The following GBF1 variants were observed in gnomAD, a reference collection of about 807,000 sequenced individuals.
The protein encoded by GBF1 is golgi brefeldin A resistant guanine nucleotide exchange factor 1, also known as Golgi-specific brefeldin A-resistance guanine nucleotide exchange factor 1.
GBF1 carries 114 observed loss-of-function variants against 210.5 expected under a neutral mutation model. The observed-to-expected ratio is 0.54, with a 90% CI of 0.47 to 0.63. The LOEUF (loss-of-function observed/expected upper bound fraction) is 0.63. GBF1 is among the 30% of genes least tolerant of loss of function. The pLI is 0.00. For synonymous variants in GBF1, 850 were observed against 889.2 expected (o/e 0.96, Z 0.78); for missense variants, 1,851 against 2,357.7 (o/e 0.79, Z 4.45).
At position 102,382,531 on chromosome 10, in the gene GBF1, C is replaced by T. The variant is rs954644461; in HGVS notation, c.*195C>T. The stretch of plus-strand genomic sequence containing the variant: ...AATCAGCTGTGGGACCTTTTTCCTC[C>T]TCTGCGCTCCATTCCTGGGGGTTCA... On this transcript the variant is annotated 3_prime_UTR_variant, in exon 40 of 40. Coordinates refer to ENST00000369983, the MANE Select transcript of GBF1 (RefSeq NM_001377137.1). 7.4e-6 allele frequency: 4 copies of T among 540,658 alleles called. No individual in the cohort carries two copies. In the African/African-American group the frequency reaches 7.7e-5, roughly 10 times the overall value. The allele number at this position is 540,658 out of a possible 1,614,324, so 33.5% of individuals were successfully genotyped here. A position where few individuals can be genotyped will look rare whatever the true frequency, so the allele number is the denominator to read the frequency against.
At chr10:102,242,928 C>CA (rs58301527), upstream of GBF1, among the ~76,000 whole-genome samples, 25,193 of 131,798 alleles carry the variant, frequency 0.19, 2,597 homozygotes, top group South Asian at 0.28. Flanking sequence ...GACTCTGTCT[C>CA]AAAAAAAAAA....
intron 8 of GBF1, among the ~76,000 whole-genome samples, chr10:102,355,320 G>C (rs1185718303): frequency 6.6e-6 from 1 of 152,190 alleles, no homozygotes; most frequent in Non-Finnish European, 1.5e-5. Context: ...TTGTGTGCTT[G>C]CACAGTCTCA....
intron 3 of GBF1, among the ~76,000 whole-genome samples, chr10:102,309,962 T>C (rs918221773): frequency 1.3e-5 from 2 of 152,218 alleles, no homozygotes; most frequent in Admixed American, 1.3e-4. Context: ...TTCATTTGTA[T>C]AATTTAGGGA....
intron 3 of GBF1, among the ~76,000 whole-genome samples, chr10:102,299,333 T>C (rs2077150816): frequency 1.3e-5 from 2 of 152,154 alleles, no homozygotes; most frequent in Non-Finnish European, 2.9e-5. Flanking sequence ...AGCGTGTGAC[T>C]ACCATGGGGT....
At chr10:102,328,381 C>T (rs984219180) in intron 3 of GBF1, among the ~76,000 whole-genome samples, 4 of 152,068 alleles carry the variant, frequency 2.6e-5, no homozygotes, top group Admixed American at 6.6e-5. Flanking sequence ...ACGCTTTAGT[C>T]CCAGCTACTT....
chr10:102,323,567 T>C (rs2056626089), intron 3 of GBF1, among the ~76,000 whole-genome samples: 1 of 151,692 alleles, frequency 6.6e-6, no homozygotes, highest in African/African-American at 2.4e-5. Context: ...TTGCACTTTT[T>C]TTTCTGTCTT....
chr10:102,271,704 T>G lies in GBF1; in HGVS notation c.163+11588T>G, dbSNP rs1589437666. On this transcript the variant is annotated intron_variant, in intron 3 of 39. Coordinates refer to ENST00000369983, the MANE Select transcript of GBF1 (RefSeq NM_001377137.1). Reference sequence around the variant, plus strand: ...GGTTAAATATTTTTGGCAAGAGTATTTTATAGATGATACTATGTAATTCAT... The same window carrying G: ...GGTTAAATATTTTTGGCAAGAGTATGTTATAGATGATACTATGTAATTCAT... Among the ~76,000 whole-genome samples the G allele has an allele frequency of 3.3e-5, 5 of 152,266 alleles. No homozygotes were observed. The East Asian group carries it at 9.6e-4, about 29-fold the overall frequency.
At chr10:102,257,685 C>A (rs377474856) in intron 1 of GBF1, among the ~76,000 whole-genome samples, 1 of 152,068 alleles carries the variant, frequency 6.6e-6, no homozygotes, top group South Asian at 2.1e-4. Context: ...AACCTTTATT[C>A]TTTTCTTTAA....
At chr10:102,289,099 G>T in intron 3 of GBF1, among the ~76,000 whole-genome samples, 1 of 128,556 alleles carries the variant, frequency 7.8e-6, no homozygotes, top group African/African-American at 2.8e-5. Context: ...CAAAGACTCT[G>T]TCTCAGAAAA....
At chr10:102,231,800 A>G in the GBF1 span, 1 of 1,596,248 alleles carries the variant, frequency 6.3e-7, no homozygotes, top group South Asian at 1.1e-5. Flanking sequence ...TCTGGGGGCC[A>G]GGGTGGGGGC....
At chr10:102,358,805 C>T (rs983777180) in intron 10 of GBF1, 76 bp downstream of exon 10, 3 of 915,858 alleles carry the variant, frequency 3.3e-6, no homozygotes, top group Non-Finnish European at 5.1e-6. Flanking sequence ...ATCCTTTATG[C>T]AGGACTTGGC....
At chr10:102,259,165 GT>G in intron 2 of GBF1, 131 bp downstream of exon 2, 6 of 612,484 alleles carry the variant, frequency 9.8e-6, no homozygotes, top group East Asian at 2.8e-5. Context: ...TTGATATCTT[GT>G]TTTTTTGTAT....
intron 3 of GBF1, among the ~76,000 whole-genome samples, chr10:102,335,880 T>C (rs952607023): frequency 1.3e-5 from 2 of 152,318 alleles, no homozygotes; most frequent in South Asian, 2.1e-4. Context: ...AAATTAAAAG[T>C]GCTATCCCAA....
intron 3 of GBF1, among the ~76,000 whole-genome samples, chr10:102,305,095 G>C (rs892981826): frequency 6.6e-6 from 1 of 151,960 alleles, no homozygotes; most frequent in Admixed American, 6.6e-5. Context: ...GTTCCAGAAG[G>C]ATTGAGATCA....
intron 3 of GBF1, among the ~76,000 whole-genome samples, chr10:102,262,543 G>A (rs17114427): frequency 0.033 from 4,998 of 152,292 alleles, 131 homozygotes; most frequent in Middle Eastern, 0.061. Context: ...GTTGTTATAA[G>A]TGACTGGGAA....
chr10:102,263,038 C>T (rs959691711), intron 3 of GBF1, among the ~76,000 whole-genome samples: 3 of 152,168 alleles, frequency 2.0e-5, no homozygotes, highest in Admixed American at 1.3e-4. Flanking sequence ...TGGTTTTTAG[C>T]ATATTACCTG....
chr10:102,353,741 A>T, intron 8 of GBF1, 87 bp downstream of exon 8: 2 of 939,292 alleles, frequency 2.1e-6, no homozygotes, highest in Non-Finnish European at 1.7e-6. Context: ...CTTAGCAAAG[A>T]TATGCTTTTG....
chr10:102,294,781 C>T (rs1031604802), intron 3 of GBF1, among the ~76,000 whole-genome samples: 2 of 152,112 alleles, frequency 1.3e-5, no homozygotes, highest in African/African-American at 4.8e-5. Context: ...GTATTCAATA[C>T]AGTAACAGGC....
chr10:102,378,111 G>A (rs578019143), intron 33 of GBF1, among the ~76,000 whole-genome samples: 6 of 151,838 alleles, frequency 4.0e-5, no homozygotes, highest in East Asian at 3.9e-4. Context: ...CCAGCTACTC[G>A]GGAGGCTGAG....
Sources: allele counts gnomAD v4.1 joint callset (sites outside exome capture counted in the v4.1 genomes callset), GRCh38; gene constraint gnomAD v4.1.1; transcripts MANE v1.5; gene names NCBI Gene and HGNC (gene_info 2026-07-23, HGNC 2026-07-21).